The following FDX1 variants were observed in gnomAD, a reference collection of about 807,000 sequenced individuals.
The protein encoded by FDX1 is adrenodoxin, mitochondrial.
Under a neutral mutation model 14.9 loss-of-function variants are expected in FDX1, and 9 were observed. The ratio of observed to expected loss-of-function variants is 0.60; its 90% confidence interval spans 0.36 to 1.05. The LOEUF (loss-of-function observed/expected upper bound fraction) is 1.05, where lower values mean the gene tolerates loss of function less well. Ranked by LOEUF, FDX1 falls within the 50% of genes least tolerant of loss-of-function variation. The pLI is 0.01. For missense variants in FDX1, 204 were observed against 237.2 expected (o/e 0.86, Z 0.92); for synonymous variants, 92 against 99.4 (o/e 0.93, Z 0.44).
rs192837099 is a variant in FDX1, at chr11:110,452,145, A to G, written c.311-4773A>G. 7.3e-4 allele frequency among the ~76,000 whole-genome samples: 111 copies of G among 152,306 alleles called. 2 individuals carry two copies. The highest frequency in any genetic ancestry group is 1.4e-3 in the Non-Finnish European group (94 of 68,018). On this transcript the variant is annotated intron_variant, in intron 2 of 3. Coordinates refer to ENST00000260270, the MANE Select transcript of FDX1 (RefSeq NM_004109.5). ...CTCCTAAAAGAAAGAACAAGAAAAA[A>G]TCTTTAGGACCTGTGGGTAGGTAGG...
intron 2 of FDX1, among the ~76,000 whole-genome samples, chr11:110,444,376 G>A (rs1023585138): frequency 7.9e-5 from 12 of 152,020 alleles, no homozygotes; most frequent in African/African-American, 2.7e-4. Context: ...GGCACTTTGG[G>A]AGGCCAAGGC....
chr11:110,455,349 T>C (rs2134691228), intron 2 of FDX1, among the ~76,000 whole-genome samples: 1 of 152,202 alleles, frequency 6.6e-6, no homozygotes. Flanking sequence ...GCTTAAATTA[T>C]AAGGAAGGAA....
intron 2 of FDX1, among the ~76,000 whole-genome samples, chr11:110,446,748 T>C (rs558749909): frequency 2.0e-5 from 3 of 152,276 alleles, no homozygotes; most frequent in East Asian, 3.9e-4. Context: ...TCCTGTTGGC[T>C]CCATCCCTAC....
At chr11:110,436,838 CTTTG>C (rs1946373139) in intron 2 of FDX1, among the ~76,000 whole-genome samples, 2 of 152,066 alleles carry the variant, frequency 1.3e-5, no homozygotes, top group Non-Finnish European at 2.9e-5. Context: ...ATCTACCTCT[CTTTG>C]TTAATGCTTA....
At chr11:110,456,537 C>CA (rs1946523179) in intron 2 of FDX1, among the ~76,000 whole-genome samples, 1 of 102,382 alleles carries the variant, frequency 9.8e-6, no homozygotes. Context: ...TTTTTTGAGA[C>CA]AGAGTCTTAC....
In FDX1 at chr11:110,463,427, T is replaced by C. The variant is rs1182737903; in HGVS notation, c.*959T>C. On this transcript the variant is annotated 3_prime_UTR_variant, in exon 4 of 4. Coordinates refer to ENST00000260270, the MANE Select transcript of FDX1 (RefSeq NM_004109.5). Reference sequence around the variant, plus strand: ...TGAGGGAGTGGCAAGCACCACAGATTACCACGTATGTGTGGAAGACATTCG... The same window carrying C: ...TGAGGGAGTGGCAAGCACCACAGATCACCACGTATGTGTGGAAGACATTCG... The C allele has an allele frequency of 6.6e-6, 1 of 152,226 alleles. No homozygotes were observed. The highest frequency in any genetic ancestry group is 6.5e-5 in the Admixed American group (1 of 15,284). 9.4% of individuals were successfully genotyped at this position (152,226 alleles called of 1,614,324 possible). A position where few individuals can be genotyped will look rare whatever the true frequency, so the allele number is the denominator to read the frequency against.
rs1215699748 is a variant in FDX1, at chr11:110,444,708, A to ACG, written c.310+8750_310+8751insCG. ...TACACGTATATATATATATATACGT[A>ACG]TATATATATATATACGTATATATAT... On this transcript the variant is annotated intron_variant, in intron 2 of 3. Coordinates refer to ENST00000260270, the MANE Select transcript of FDX1 (RefSeq NM_004109.5). Among the ~76,000 whole-genome samples the ACG allele has an allele frequency of 4.0e-3, 186 of 46,638 alleles. 19 individuals are homozygous for ACG. The highest frequency in any genetic ancestry group is 0.02 in the African/African-American group (175 of 8,956). 30.6% of individuals were successfully genotyped at this position (46,638 alleles called of 152,430 possible). A position where few individuals can be genotyped will look rare whatever the true frequency, so the allele number is the denominator to read the frequency against.
At chr11:110,439,651 GT>G (rs2134678150) in intron 2 of FDX1, among the ~76,000 whole-genome samples, 2 of 152,320 alleles carry the variant, frequency 1.3e-5, no homozygotes, top group South Asian at 4.1e-4. Context: ...TTTGTTGATA[GT>G]TTCTTTAATG....
intron 1 of FDX1, 140 bp downstream of exon 1, chr11:110,430,445 T>C: frequency 2.2e-6 from 1 of 464,858 alleles, no homozygotes; most frequent in Non-Finnish European, 3.2e-6. Flanking sequence ...CTCGCCCCCC[T>C]CTTCTGGGGT....
chr11:110,437,393 A>T (rs1591247287), intron 2 of FDX1, among the ~76,000 whole-genome samples: 1 of 144,206 alleles, frequency 6.9e-6, no homozygotes, highest in African/African-American at 2.8e-5. Context: ...AATGAAGTAG[A>T]TTTTTTTTTT....
chr11:110,456,568 G>A (rs1306485482), intron 2 of FDX1, among the ~76,000 whole-genome samples: 1 of 129,608 alleles, frequency 7.7e-6, no homozygotes, highest in Non-Finnish European at 1.6e-5. Flanking sequence ...CGGCTAGAGT[G>A]TAACCTCAGC....
chr11:110,436,038 A>T (rs1429357055), intron 2 of FDX1, 80 bp downstream of exon 2: 16 of 1,238,064 alleles, frequency 1.3e-5, no homozygotes, highest in Non-Finnish European at 1.6e-5. Context: ...TTTTTTTTGA[A>T]GAAGTTTAAC....
rs141201404 is a variant in FDX1 at position 110,439,120 on chromosome 11, G to A, written c.310+3162G>A. 1.1e-3 allele frequency among the ~76,000 whole-genome samples: 160 copies of A among 151,888 alleles called. 2 individuals are homozygous for A. The highest frequency in any genetic ancestry group is 3.6e-3 in the African/African-American group (148 of 41,430). ...AGGGTTTCACCATGTTGGCCAGGCT[G>A]GTCTGGAACTCCTGATCTCAAATGA... On this transcript the variant is annotated intron_variant, in intron 2 of 3. Transcript: ENST00000260270.
chr11:110,431,025 G>C (rs544439467), intron 1 of FDX1, among the ~76,000 whole-genome samples: 1 of 152,060 alleles, frequency 6.6e-6, no homozygotes, highest in African/African-American at 2.4e-5. Flanking sequence ...GTTAATTGAA[G>C]AATCAATGAG....
intron 3 of FDX1, among the ~76,000 whole-genome samples, chr11:110,460,938 T>C (rs1946552582): frequency 6.6e-6 from 1 of 152,210 alleles, no homozygotes; most frequent in South Asian, 2.1e-4. Context: ...TTGCTCTTCC[T>C]CATTGACATT....
Position 110,463,586 on chromosome 11 carries a change from G to A in FDX1, c.*1118G>A, listed in dbSNP as rs796210714. The A allele has an allele frequency of 2.4e-4, 37 of 152,292 alleles. 2 individuals carry two copies. The highest frequency in any genetic ancestry group is 8.9e-4 in the African/African-American group (37 of 41,564). 9.4% of individuals were successfully genotyped at this position (152,292 alleles called of 1,614,324 possible). ...AGAGCAGAACAAATTAGTAGAAAGA[G>A]GTTATAAGACAATTGAGTTAGCTTC... On this transcript the variant is annotated 3_prime_UTR_variant, in exon 4 of 4. Transcript: ENST00000260270.
chr11:110,464,761 A>T lies in FDX1; in HGVS notation c.*2293A>T, dbSNP rs1371591259. 1 of 152,234 alleles carries T rather than the reference A, an allele frequency of 6.6e-6. No individual in the cohort carries two copies. The highest frequency in any genetic ancestry group is 1.5e-5 in the Non-Finnish European group (1 of 68,042). The allele number at this position is 152,234 out of a possible 1,614,324, so 9.4% of individuals were successfully genotyped here. Reference sequence around the variant, plus strand: ...GCTACTTTAATGATTATATTCAACCAAAGCACTCTAAAATTTAGAGTATAA... The same window carrying T: ...GCTACTTTAATGATTATATTCAACCTAAGCACTCTAAAATTTAGAGTATAA... On this transcript the variant is annotated 3_prime_UTR_variant, in exon 4 of 4. Coordinates refer to ENST00000260270, the MANE Select transcript of FDX1 (RefSeq NM_004109.5).
chr11:110,442,616 C>T (rs1040380972), intron 2 of FDX1, among the ~76,000 whole-genome samples: 9 of 152,202 alleles, frequency 5.9e-5, no homozygotes, highest in African/African-American at 2.2e-4. Flanking sequence ...ATGCCTGTAC[C>T]CCCATTGTAT....
chr11:110,459,568 T>G (rs908911369), intron 3 of FDX1, among the ~76,000 whole-genome samples: 3 of 152,222 alleles, frequency 2.0e-5, no homozygotes. Context: ...TTTTACTATT[T>G]CAAGCTGCTT....
Sources: gnomAD v4.1 joint callset for allele counts (sites outside exome capture counted in the v4.1 genomes callset) on GRCh38, gnomAD v4.1.1 for gene constraint, MANE v1.5 for transcripts, NCBI Gene and HGNC (gene_info 2026-07-23, HGNC 2026-07-21) for gene names.